The following CENPI variants were observed in gnomAD, a reference collection of about 807,000 sequenced individuals.
CENPI encodes centromere protein I.
In CENPI, 4 loss-of-function variants were observed where a neutral mutation model predicts 60.4. That is an observed-to-expected ratio of 0.07 (90% CI 0.03 to 0.15). The LOEUF is 0.15. CENPI is among the 10% of genes least tolerant of loss of function. The probability of loss-of-function intolerance (pLI) is 1.00; values close to 1 mark genes in which losing one functional copy is unlikely to be tolerated. For missense variants in CENPI, 444 were observed against 534.5 expected (o/e 0.83, Z 1.67); for synonymous variants, 157 against 189.4 (o/e 0.83, Z 1.40).
chrX:101,169,502 C>G (rs756331210), downstream of CENPI, among the ~76,000 whole-genome samples: 12 of 112,229 alleles, frequency 1.1e-4, no homozygotes, highest in Admixed American at 1.9e-4. Context: ...ACCTGTGTTG[C>G]CACTCACATA....
At chrX:101,168,804 A>G (rs1399390556), downstream of CENPI, among the ~76,000 whole-genome samples, 3 of 112,012 alleles carry the variant, frequency 2.7e-5, no homozygotes, top group African/African-American at 9.7e-5. Context: ...TGAACAAACA[A>G]CAGCGACAAA....
intron 7 of CENPI, 88 bp from the exon 8 acceptor site, chrX:101,120,650 T>G: frequency 1.2e-6 from 1 of 844,696 alleles, no homozygotes; most frequent in Non-Finnish European, 1.8e-6. Context: ...AAGAAGAAAC[T>G]GTATGAATTG....
intron 6 of CENPI, among the ~76,000 whole-genome samples, chrX:101,113,282 T>TACAC (rs533672702): frequency 0.023 from 1,972 of 83,927 alleles, 59 homozygotes; most frequent in Admixed American, 0.066. Flanking sequence ...TCCATCCCTT[T>TACAC]ACACACACAC....
intron 4 of CENPI, among the ~76,000 whole-genome samples, chrX:101,108,585 G>A (rs1302560654): frequency 9.1e-6 from 1 of 110,497 alleles, no homozygotes; most frequent in Non-Finnish European, 1.9e-5. Flanking sequence ...ACCCCAAGAA[G>A]AAACCCTGTA....
intron 7 of CENPI, 24 bp downstream of exon 7, chrX:101,120,474 A>G (rs1224580205): frequency 1.2e-6 from 1 of 808,484 alleles, no homozygotes; most frequent in East Asian, 3.1e-5. Context: ...TTACAGTTGT[A>G]TTATACTTTG....
At position 101,101,077 on chromosome X, in the gene CENPI, C is replaced by T; in HGVS notation, c.7C>T (p.Pro3Ser). 1 of 1,204,446 alleles carries T rather than the reference C, an allele frequency of 8.3e-7. No individual in the cohort carries two copies. Among genetic ancestry groups the T allele is most frequent in the South Asian group, 1.8e-5 (1 of 56,782 alleles). The change falls in exon 3 of 22, where the codon CCT becomes TCT. Residue 3 changes from proline (P) to serine (S), a missense_variant. Coordinates refer to ENST00000682095, the MANE Select transcript of CENPI (RefSeq NM_001386188.2). ...GTGTAGAACATATGCAGTAATGTCA[C>T]CTCAAAAGAGAGTTAAGAACGTCCA... MS[P>S]QKRVKNVQAQ... is the part of the protein sequence containing the mutation.
At chrX:101,155,782 T>G (rs1471712374) in intron 20 of CENPI, among the ~76,000 whole-genome samples, 1 of 111,727 alleles carries the variant, frequency 9.0e-6, no homozygotes, top group Non-Finnish European at 1.9e-5. Flanking sequence ...TCTTATAGAT[T>G]CTTGGAAACA....
chrX:101,138,978 G>A (rs1338880239), intron 15 of CENPI, among the ~76,000 whole-genome samples: 6 of 101,140 alleles, frequency 5.9e-5, no homozygotes, highest in South Asian at 4.7e-4. Context: ...TAGTAGAGGC[G>A]GGGTTTCACC....
intron 6 of CENPI, among the ~76,000 whole-genome samples, chrX:101,118,912 G>T (rs754023821): frequency 8.9e-6 from 1 of 111,870 alleles, no homozygotes; most frequent in East Asian, 2.8e-4. Flanking sequence ...CAGGTGTGGT[G>T]GCGCACACCT....
At chrX:101,138,546 T>A (rs1245805527) in intron 15 of CENPI, among the ~76,000 whole-genome samples, 1 of 110,470 alleles carries the variant, frequency 9.1e-6, no homozygotes, top group Admixed American at 9.7e-5. Flanking sequence ...CAGGATAGTC[T>A]TGATCTCCTG....
intron 15 of CENPI, among the ~76,000 whole-genome samples, chrX:101,133,932 T>G (rs2089821761): frequency 9.1e-6 from 1 of 110,214 alleles, no homozygotes; most frequent in African/African-American, 3.3e-5. Context: ...GGTTGAGGAG[T>G]GAGTGAAAAG....
At chrX:101,127,731 T>G (rs1287367302) in intron 11 of CENPI, 66 bp downstream of exon 11, 1 of 915,798 alleles carries the variant, frequency 1.1e-6, no homozygotes, top group Non-Finnish European at 1.5e-6. Context: ...TGTTTTTTTG[T>G]TTGTTTGTTT....
intron 20 of CENPI, among the ~76,000 whole-genome samples, chrX:101,149,298 T>C (rs2089987565): frequency 9.0e-6 from 1 of 111,355 alleles, no homozygotes; most frequent in African/African-American, 3.3e-5. Flanking sequence ...AAAGCAGCTG[T>C]AGACAAAGCA....
chrX:101,110,031 T>C, intron 6 of CENPI, 33 bp downstream of exon 6: 1 of 858,710 alleles, frequency 1.2e-6, no homozygotes, highest in Non-Finnish European at 1.7e-6. Flanking sequence ...TAGGCATCAA[T>C]CAAATAGTAC....
intron 20 of CENPI, among the ~76,000 whole-genome samples, chrX:101,153,891 T>C (rs1367564238): frequency 2.7e-5 from 3 of 112,272 alleles, no homozygotes; most frequent in Non-Finnish European, 5.6e-5. Flanking sequence ...TTTATAGTTT[T>C]AACTCTTATA....
intron 3 of CENPI, 137 bp downstream of exon 3, chrX:101,101,433 A>T (rs970450307): frequency 2.1e-6 from 1 of 466,046 alleles, no homozygotes; most frequent in Non-Finnish European, 3.6e-6. Flanking sequence ...TTGAGCAATT[A>T]CTATATATCA....
rs2089747935 is a variant in CENPI at position 101,127,427 on chromosome X, C to T, written c.907-71C>T. 7 of 977,940 alleles carry T rather than the reference C, an allele frequency of 7.2e-6. No homozygotes were observed. The East Asian group carries it at 2.2e-4, about 31-fold the overall frequency. The allele number at this position is 977,940 out of a possible 1,213,427, so 80.6% of individuals were successfully genotyped here. On this transcript the variant is annotated intron_variant, in intron 10 of 21. Coordinates refer to ENST00000682095, the MANE Select transcript of CENPI (RefSeq NM_001386188.2). ...GATTCCTTTAATTGAAACACCTTAC[C>T]AGTTGCTTTTATATTTGTGGTTTGT...
chrX:101,127,754 T>G (rs1219941592), intron 11 of CENPI, 89 bp downstream of exon 11: 5 of 751,858 alleles, frequency 6.7e-6, no homozygotes, highest in Non-Finnish European at 9.7e-6. Flanking sequence ...TTTGTTTTTT[T>G]GAGATAGGGT....
the CENPI span, among the ~76,000 whole-genome samples, chrX:101,175,047 C>T: frequency 9.0e-6 from 1 of 111,421 alleles, no homozygotes; most frequent in Non-Finnish European, 1.9e-5. Context: ...GTGGAGGTTG[C>T]GGTGAACCAA....
Sources: gnomAD v4.1 joint callset for allele counts (sites outside exome capture counted in the v4.1 genomes callset) on GRCh38, gnomAD v4.1.1 for gene constraint, MANE v1.5 for transcripts, NCBI Gene and HGNC (gene_info 2026-07-23, HGNC 2026-07-21) for gene names.